The following HERC5 variants were observed in gnomAD, a reference collection of about 807,000 sequenced individuals.
HERC5 encodes E3 ISG15--protein ligase HERC5.
In HERC5, 99 loss-of-function variants were observed where a neutral mutation model predicts 119.6. The ratio of observed to expected loss-of-function variants is 0.83; its 90% CI spans 0.70 to 0.98. The LOEUF (loss-of-function observed/expected upper bound fraction) is 0.98. Ranked by LOEUF, HERC5 falls within the 50% of genes least tolerant of loss-of-function variation. HERC5 has a pLI of 0.00. For synonymous variants in HERC5, 478 were observed against 445.9 expected (o/e 1.07, Z -0.91); for missense variants, 1,267 against 1,241.3 (o/e 1.02, Z -0.31).
At chr4:88,475,302 G>GT (rs1553922730) in intron 11 of HERC5, among the ~76,000 whole-genome samples, 5 of 145,466 alleles carry the variant, frequency 3.4e-5, no homozygotes, top group Admixed American at 6.9e-5. Flanking sequence ...TCTTGCACAT[G>GT]TTTTTTTCTT....
chr4:88,465,613 T>C (rs1168944628), intron 6 of HERC5, among the ~76,000 whole-genome samples: 1 of 152,222 alleles, frequency 6.6e-6, no homozygotes, highest in Non-Finnish European at 1.5e-5. Flanking sequence ...GATTCTTCAT[T>C]ACATACAGTC....
intron 20 of HERC5, among the ~76,000 whole-genome samples, chr4:88,501,619 T>C (rs181983352): frequency 9.2e-5 from 14 of 152,310 alleles, no homozygotes; most frequent in African/African-American, 3.4e-4. Flanking sequence ...AATCTTTTTT[T>C]TTAAACTTTG....
At chr4:88,501,111 T>A (rs543937265) in intron 20 of HERC5, 126 bp downstream of exon 20, 4 of 626,088 alleles carry the variant, frequency 6.4e-6, no homozygotes, top group Non-Finnish European at 1.1e-5. Context: ...GGCAGAGAAG[T>A]TGGTGTGTGT....
chr4:88,467,311 T>C (rs933085789), intron 7 of HERC5, 107 bp downstream of exon 7: 6 of 1,113,224 alleles, frequency 5.4e-6, no homozygotes, highest in Non-Finnish European at 7.7e-6. Flanking sequence ...ATGAAGGGAG[T>C]TTCTCTAAAT....
At position 88,460,087 on chromosome 4, in the gene HERC5, T is replaced by C. The variant is rs763063088; in HGVS notation, c.390-8T>C. The C allele has an allele frequency of 6.8e-7, 1 of 1,474,224 alleles. No homozygotes were observed. The highest frequency in any genetic ancestry group is 1.2e-5 in the South Asian group (1 of 86,464). The allele number at this position is 1,474,224 out of a possible 1,614,324, so 91.3% of individuals were successfully genotyped here. A position where few individuals can be genotyped will look rare whatever the true frequency, so the allele number is the denominator to read the frequency against. On this transcript the variant is annotated splice_polypyrimidine_tract_variant and splice_region_variant and intron_variant, in intron 2 of 22. Coordinates refer to ENST00000264350, the MANE Select transcript of HERC5 (RefSeq NM_016323.4). Reference sequence around the variant, plus strand: ...GTGATTAACACAAAGTGTATTTTCCTTCATCAGGTTTGAAAGCATTTTACA... The same window carrying C: ...GTGATTAACACAAAGTGTATTTTCCCTCATCAGGTTTGAAAGCATTTTACA...
intron 4 of HERC5, among the ~76,000 whole-genome samples, chr4:88,463,253 C>T (rs914013144): frequency 2.0e-5 from 3 of 152,170 alleles, no homozygotes; most frequent in African/African-American, 7.2e-5. Context: ...ATCTAATGTG[C>T]TGCAATTAAA....
At chr4:88,478,184 C>T (rs1741150166) in intron 12 of HERC5, among the ~76,000 whole-genome samples, 2 of 152,114 alleles carry the variant, frequency 1.3e-5, no homozygotes, top group South Asian at 2.1e-4. Flanking sequence ...TCTTTGAACT[C>T]CTGGGCTTAA....
intron 10 of HERC5, among the ~76,000 whole-genome samples, chr4:88,472,155 A>AT (rs1191799908): frequency 6.6e-6 from 1 of 151,904 alleles, no homozygotes; most frequent in East Asian, 1.9e-4. Flanking sequence ...GGAAATATTA[A>AT]TTTTTTTAAT....
intron 12 of HERC5, among the ~76,000 whole-genome samples, chr4:88,476,694 G>C (rs1309346176): frequency 6.6e-6 from 1 of 152,154 alleles, no homozygotes; most frequent in Non-Finnish European, 1.5e-5. Flanking sequence ...GCTGAGGCAG[G>C]CAGATCACCT....
chr4:88,459,598 A>G (rs970793187), intron 2 of HERC5, 128 bp downstream of exon 2: 1 of 613,136 alleles, frequency 1.6e-6, no homozygotes, highest in Non-Finnish European at 2.7e-6. Context: ...TAAATTCTGA[A>G]CTGACCAGTA....
At chr4:88,471,054 C>T (rs1310729512) in intron 10 of HERC5, among the ~76,000 whole-genome samples, 1 of 151,924 alleles carries the variant, frequency 6.6e-6, no homozygotes, top group Non-Finnish European at 1.5e-5. Context: ...TCATTGTAAC[C>T]TCTGCCTCCT....
intron 11 of HERC5, among the ~76,000 whole-genome samples, chr4:88,475,324 CTTTTTTTTTT>C (rs757780297): frequency 4.0e-5 from 5 of 123,488 alleles, no homozygotes; most frequent in African/African-American, 1.2e-4. Flanking sequence ...TTCTTTCTTT[CTTTTTTTTTT>C]TTTTTTTTGA....
At chr4:88,476,308 A>G (rs576659128) in intron 12 of HERC5, among the ~76,000 whole-genome samples, 4 of 152,334 alleles carry the variant, frequency 2.6e-5, no homozygotes, top group African/African-American at 4.8e-5. Context: ...TTGAAAGAAT[A>G]GTATGGTATA....
rs1740182717 is a variant in HERC5, at chr4:88,457,315, A to G, written c.46A>G (p.Thr16Ala). The change falls in exon 1 of 23, where the codon ACC (threonine) becomes GCC (alanine). Residue 16 changes from threonine (T) to alanine (A), a missense_variant. Physicochemically the swap from Thr to Ala is moderately conservative, Grantham distance 58 (BLOSUM62 0). Around this residue, in one of 3 missense-constraint regions of HERC5, gnomAD observed 777 missense variants for 758.0 expected, o/e 1.03. Coordinates refer to ENST00000264350, the MANE Select transcript of HERC5 (RefSeq NM_016323.4). ...RRKSRRNGRSTAGKAAATQPA... is the reference protein window; with the variant it reads ...RRKSRRNGRSAAGKAAATQPA... ...GAAGTCGCGGCGCAACGGGCGCTCGACCGCGGGCAAGGCCGCCGCGACCCA... is the reference window on the plus strand; with the variant it reads ...GAAGTCGCGGCGCAACGGGCGCTCGGCCGCGGGCAAGGCCGCCGCGACCCA... 7.2e-7 allele frequency: 1 copy of G among 1,381,222 alleles called. No homozygotes were observed. Among genetic ancestry groups the G allele is most frequent in the South Asian group, 1.6e-5 (1 of 62,864 alleles). 85.6% of individuals were successfully genotyped at this position (1,381,222 alleles called of 1,614,324 possible).
At chr4:88,460,072 CAA>C (rs749371253) in intron 2 of HERC5, 21 bp from the exon 3 acceptor site, 3 of 1,275,626 alleles carry the variant, frequency 2.4e-6, no homozygotes, top group African/African-American at 1.5e-5. Context: ...GTGATTAACA[CAA>C]AGTGTATTTT....
chr4:88,464,011 T>C, intron 6 of HERC5, 26 bp downstream of exon 6: 1 of 1,599,488 alleles, frequency 6.3e-7, no homozygotes, highest in Non-Finnish European at 8.5e-7. Context: ...TCAATAAGAA[T>C]TGATAAAATG....
At chr4:88,483,491 G>A (rs982302109) in intron 13 of HERC5, among the ~76,000 whole-genome samples, 4 of 150,928 alleles carry the variant, frequency 2.7e-5, no homozygotes, top group Admixed American at 2.6e-4. Context: ...AGGATTACCC[G>A]GGTAAGCCAC....
chr4:88,502,187 T>C (rs1741967980), intron 20 of HERC5, among the ~76,000 whole-genome samples: 1 of 152,214 alleles, frequency 6.6e-6, no homozygotes, highest in African/African-American at 2.4e-5. Flanking sequence ...ACATGTGTTT[T>C]GTTTATGTGC....
intron 13 of HERC5, among the ~76,000 whole-genome samples, chr4:88,483,177 A>G (rs1389819313): frequency 6.6e-6 from 1 of 152,116 alleles, no homozygotes; most frequent in Non-Finnish European, 1.5e-5. Context: ...TTCCAAAGGA[A>G]ATGCTTTTAG....
Sources: allele counts gnomAD v4.1 joint callset (sites outside exome capture counted in the v4.1 genomes callset), GRCh38; gene constraint gnomAD v4.1.1; regional missense constraint gnomAD v4.1.1; transcripts MANE v1.5; gene names NCBI Gene and HGNC (gene_info 2026-07-23, HGNC 2026-07-21).